GPHN: variants seen among roughly 807,000 people sequenced by gnomAD.
GPHN encodes gephyrin.
A neutral mutation model predicts 95.5 loss-of-function variants in GPHN; 17 were observed. The ratio of observed to expected loss-of-function variants is 0.18; its 90% CI spans 0.12 to 0.27. GPHN has a LOEUF of 0.27. GPHN is among the 10% of genes least tolerant of loss of function. GPHN has a pLI of 1.00. For missense variants in GPHN, 660 were observed against 978.1 expected, an observed-to-expected ratio of 0.67 and a Z score of 4.34; for synonymous variants, 320 against 322.5, an observed-to-expected ratio of 0.99 and a Z score of 0.08.
chr14:67,275,049 A>C, the GPHN span, among the ~76,000 whole-genome samples: 1 of 152,214 alleles, frequency 6.6e-6, no homozygotes, highest in Admixed American at 6.5e-5. Flanking sequence ...TAAATAGACA[A>C]TCATGTCATC....
At chr14:66,588,011 C>T (rs1474598928) in intron 1 of GPHN, among the ~76,000 whole-genome samples, 1 of 152,120 alleles carries the variant, frequency 6.6e-6, no homozygotes, top group Non-Finnish European at 1.5e-5. Flanking sequence ...CTGCCAGGTG[C>T]CCCTCTGGGA....
At chr14:66,729,556 G>A (rs2071576213) in intron 2 of GPHN, among the ~76,000 whole-genome samples, 1 of 152,122 alleles carries the variant, frequency 6.6e-6, no homozygotes, top group Non-Finnish European at 1.5e-5. Context: ...GGAAATTTGA[G>A]ATCTTTCTTG....
chr14:67,343,247 C>T, the GPHN span: 1 of 661,210 alleles, frequency 1.5e-6, no homozygotes, highest in Non-Finnish European at 2.5e-6. Flanking sequence ...TCTCTTTGCA[C>T]TGTGGGCAAG....
the GPHN span, chr14:67,336,687 C>T: frequency 2.2e-6 from 1 of 455,446 alleles, no homozygotes; most frequent in East Asian, 7.0e-5. Context: ...TTGTCAAAGT[C>T]TCAATTTCCT....
chr14:67,081,470 T>C (rs2076692899), intron 11 of GPHN, among the ~76,000 whole-genome samples: 1 of 152,210 alleles, frequency 6.6e-6, no homozygotes, highest in Admixed American at 6.5e-5. Context: ...GCTAATTTGC[T>C]TAAGTTCCTC....
the GPHN span, among the ~76,000 whole-genome samples, chr14:67,321,569 G>A: frequency 3.9e-5 from 6 of 152,296 alleles, no homozygotes; most frequent in African/African-American, 1.4e-4. Context: ...GAGCTATCTT[G>A]AGGATAGACC....
chr14:66,826,153 T>C (rs1239259088), intron 4 of GPHN, among the ~76,000 whole-genome samples: 1 of 152,214 alleles, frequency 6.6e-6, no homozygotes, highest in East Asian at 1.9e-4. Context: ...AACAGTATTA[T>C]TTTTAATTCC....
At chr14:67,411,270 T>C in the GPHN span, among the ~76,000 whole-genome samples, 1 of 152,126 alleles carries the variant, frequency 6.6e-6, no homozygotes, top group Non-Finnish European at 1.5e-5. Flanking sequence ...TCGTTTGCCC[T>C]GGGCCACCTG....
At chr14:66,582,240 A>C (rs1197624622) in intron 1 of GPHN, among the ~76,000 whole-genome samples, 27 of 152,240 alleles carry the variant, frequency 1.8e-4, no homozygotes, top group Admixed American at 1.8e-3. Context: ...ATATTGCAAC[A>C]TTTATAAATT....
chr14:66,830,820 T>C (rs923632310), intron 4 of GPHN, among the ~76,000 whole-genome samples: 1 of 152,100 alleles, frequency 6.6e-6, no homozygotes, highest in Non-Finnish European at 1.5e-5. Flanking sequence ...ACAAATTTTT[T>C]TCACTTAGGT....
chr14:67,435,278 T>C, the GPHN span, among the ~76,000 whole-genome samples: 1 of 152,144 alleles, frequency 6.6e-6, no homozygotes, highest in Non-Finnish European at 1.5e-5. Flanking sequence ...TTTCCTCTTC[T>C]TATAAAGCTA....
At chr14:66,727,309 A>G (rs900486760) in intron 2 of GPHN, among the ~76,000 whole-genome samples, 1 of 152,176 alleles carries the variant, frequency 6.6e-6, no homozygotes, top group Non-Finnish European at 1.5e-5. Context: ...TATCAACAGC[A>G]TGAAAATGGA....
chr14:66,807,159 G>A (rs1212466088), intron 3 of GPHN, among the ~76,000 whole-genome samples: 1 of 152,182 alleles, frequency 6.6e-6, no homozygotes, highest in East Asian at 1.9e-4. Flanking sequence ...AGTTTGTGCA[G>A]GGAAGATTCC....
chr14:67,253,958 G>T, the GPHN span, among the ~76,000 whole-genome samples: 19,015 of 142,360 alleles, frequency 0.13, 2,484 homozygotes, highest in East Asian at 0.4. Context: ...TTAATATTTT[G>T]TTTTGTTTTT....
chr14:66,642,622 G>C (rs1208885243), intron 1 of GPHN, among the ~76,000 whole-genome samples: 1 of 148,804 alleles, frequency 6.7e-6, no homozygotes, highest in Non-Finnish European at 1.5e-5. Context: ...TTTCTGACTT[G>C]TAAATTGTGA....
chr14:66,654,602 CTCT>C (rs1332910206), intron 1 of GPHN, among the ~76,000 whole-genome samples: 1 of 151,966 alleles, frequency 6.6e-6, no homozygotes, highest in Non-Finnish European at 1.5e-5. Context: ...GTTTCGTAGC[CTCT>C]TCTTTCACTT....
chr14:67,289,394 G>GT, the GPHN span, among the ~76,000 whole-genome samples: 1 of 152,040 alleles, frequency 6.6e-6, no homozygotes, highest in African/African-American at 2.4e-5. Flanking sequence ...CTGATTTTAG[G>GT]TAACTGGAGG....
At chr14:66,921,148 C>T (rs1175210641) in intron 6 of GPHN, among the ~76,000 whole-genome samples, 3 of 152,120 alleles carry the variant, frequency 2.0e-5, no homozygotes, top group Non-Finnish European at 4.4e-5. Context: ...GGTAGTTCTA[C>T]TTTTAGTTCT....
chr14:67,418,616 A>C, the GPHN span, among the ~76,000 whole-genome samples: 1 of 152,174 alleles, frequency 6.6e-6, no homozygotes, highest in Admixed American at 6.5e-5. Flanking sequence ...GGTGACTTGG[A>C]GAGAGAGCTG....
Sources: allele counts gnomAD v4.1 joint callset (sites outside exome capture counted in the v4.1 genomes callset), GRCh38; gene constraint gnomAD v4.1.1; transcripts MANE v1.5; gene names NCBI Gene and HGNC (gene_info 2026-07-23, HGNC 2026-07-21).